REEP3: variants seen among roughly 807,000 people sequenced by gnomAD.
The protein encoded by REEP3 is receptor accessory protein 3, also known as receptor expression-enhancing protein 3.
A neutral mutation model predicts 41.3 loss-of-function variants in REEP3; 20 were observed. That is an observed-to-expected ratio of 0.48 (90% CI 0.34 to 0.70). The LOEUF (loss-of-function observed/expected upper bound fraction) is 0.70, where lower values mean the gene tolerates loss of function less well. REEP3 is among the 30% of genes least tolerant of loss of function. REEP3 has a pLI of 0.01. For synonymous variants in REEP3, 104 were observed against 101.8 expected (o/e 1.02, Z -0.13); for missense variants, 271 against 308.8 (o/e 0.88, Z 0.92).
chr10:63,574,157 T>C (rs1361896233), intron 2 of REEP3, among the ~76,000 whole-genome samples: 2 of 152,214 alleles, frequency 1.3e-5, no homozygotes, highest in Non-Finnish European at 2.9e-5. Context: ...AACATACTTA[T>C]TGTGCTATTT....
At chr10:63,587,303 A>G (rs994063240) in intron 2 of REEP3, among the ~76,000 whole-genome samples, 2 of 152,158 alleles carry the variant, frequency 1.3e-5, no homozygotes, top group Non-Finnish European at 1.5e-5. Flanking sequence ...TCTCAACCAC[A>G]GTTGCTTAAA....
At chr10:63,552,389 C>A (rs1030475501) in intron 1 of REEP3, among the ~76,000 whole-genome samples, 1 of 152,006 alleles carries the variant, frequency 6.6e-6, no homozygotes, top group Non-Finnish European at 1.5e-5. Context: ...CCAGCCTGGA[C>A]CACAGAGCAA....
chr10:63,548,068 C>T (rs951126416), intron 1 of REEP3, among the ~76,000 whole-genome samples: 1 of 152,182 alleles, frequency 6.6e-6, no homozygotes, highest in Non-Finnish European at 1.5e-5. Flanking sequence ...AGAAGATTTT[C>T]ATGAGATGGC....
At chr10:63,570,564 G>A (rs1431019937) in intron 2 of REEP3, among the ~76,000 whole-genome samples, 1 of 152,028 alleles carries the variant, frequency 6.6e-6, no homozygotes, top group Admixed American at 6.6e-5. Flanking sequence ...CCTAGTACCC[G>A]GAAAAAAGAT....
At chr10:63,560,189 T>C (rs1164097586) in intron 1 of REEP3, among the ~76,000 whole-genome samples, 1 of 152,176 alleles carries the variant, frequency 6.6e-6, no homozygotes, top group African/African-American at 2.4e-5. Context: ...TACTATTCTA[T>C]TTCTACATAT....
In REEP3 at chr10:63,569,003, T is replaced by A. The variant is rs1416047463; in HGVS notation, c.105+2593T>A. On this transcript the variant is annotated intron_variant, in intron 2 of 7. Coordinates refer to ENST00000373758, the MANE Select transcript of REEP3 (RefSeq NM_001001330.3). ...GCTATATTCAGTAACATGAAATTAC[T>A]GTCAAATAATGTACTTTTGCCTATT... Among the ~76,000 whole-genome samples, 3 of 152,320 alleles carry A rather than the reference T, an allele frequency of 2.0e-5. No homozygotes were observed. The East Asian group carries it at 5.8e-4, about 29-fold the overall frequency.
intron 6 of REEP3, among the ~76,000 whole-genome samples, chr10:63,613,974 T>TA (rs979920843): frequency 3.3e-5 from 5 of 151,918 alleles, no homozygotes; most frequent in African/African-American, 7.3e-5. Flanking sequence ...TTTTCCTGCA[T>TA]AAAAAATACA....
At chr10:63,598,612 G>A (rs914443567) in intron 4 of REEP3, among the ~76,000 whole-genome samples, 19 of 151,562 alleles carry the variant, frequency 1.3e-4, no homozygotes, top group African/African-American at 4.1e-4. Flanking sequence ...GTGAAACCCT[G>A]TCTCTACTAA....
intron 5 of REEP3, among the ~76,000 whole-genome samples, chr10:63,605,242 A>G (rs1052239478): frequency 6.6e-6 from 1 of 152,208 alleles, no homozygotes; most frequent in Non-Finnish European, 1.5e-5. Flanking sequence ...CATGTTATCA[A>G]TGTTCTTCAG....
chr10:63,615,463 A>G (rs925474167), intron 6 of REEP3, among the ~76,000 whole-genome samples: 1 of 151,656 alleles, frequency 6.6e-6, no homozygotes, highest in Non-Finnish European at 1.5e-5. Context: ...CAGAAAATGT[A>G]TATTTTAATG....
chr10:63,604,204 T>C (rs1956202303), intron 5 of REEP3, among the ~76,000 whole-genome samples: 1 of 152,200 alleles, frequency 6.6e-6, no homozygotes, highest in Admixed American at 6.5e-5. Flanking sequence ...TTTCTGAAAA[T>C]GTTACTCAGT....
chr10:63,544,566 A>G (rs1955559055), intron 1 of REEP3, among the ~76,000 whole-genome samples: 1 of 152,152 alleles, frequency 6.6e-6, no homozygotes. Flanking sequence ...GAGAGGAAGA[A>G]AAGGTTTAGA....
intron 2 of REEP3, among the ~76,000 whole-genome samples, chr10:63,593,359 T>C (rs1040349902): frequency 6.6e-6 from 1 of 152,198 alleles, no homozygotes; most frequent in African/African-American, 2.4e-5. Context: ...ATCTTCTCTC[T>C]CTGCCTGGTA....
At chr10:63,530,222 A>G (rs1298968312) in intron 1 of REEP3, among the ~76,000 whole-genome samples, 1 of 152,244 alleles carries the variant, frequency 6.6e-6, no homozygotes, top group Non-Finnish European at 1.5e-5. Context: ...GGCAGTCACA[A>G]TTATATGAGT....
intron 1 of REEP3, 29 bp downstream of exon 1, chr10:63,521,606 C>T: frequency 2.2e-6 from 3 of 1,389,938 alleles, no homozygotes; most frequent in South Asian, 1.6e-5. Flanking sequence ...GCCCTGCAGC[C>T]GGCGCGAGGC....
chr10:63,618,216 A>T (rs1011655938), intron 6 of REEP3, among the ~76,000 whole-genome samples: 1 of 137,378 alleles, frequency 7.3e-6, no homozygotes, highest in Admixed American at 7.2e-5. Flanking sequence ...TTATAACTTC[A>T]TGGGGATTTC....
At chr10:63,602,574 A>C (rs1025063532) in intron 5 of REEP3, among the ~76,000 whole-genome samples, 8 of 152,240 alleles carry the variant, frequency 5.3e-5, no homozygotes, top group African/African-American at 1.7e-4. Context: ...CTCAAAAAAC[A>C]AAGAAGCATA....
chr10:63,538,350 C>T (rs1359683435), intron 1 of REEP3, among the ~76,000 whole-genome samples: 3 of 152,192 alleles, frequency 2.0e-5, no homozygotes, highest in Non-Finnish European at 2.9e-5. Context: ...GGTTCTAAAC[C>T]TATCAGTGGG....
At chr10:63,616,855 T>A (rs1199270988) in intron 6 of REEP3, among the ~76,000 whole-genome samples, 1 of 152,124 alleles carries the variant, frequency 6.6e-6, no homozygotes, top group Non-Finnish European at 1.5e-5. Flanking sequence ...TTTTTCTCAA[T>A]TATAAAATAA....
Sources: allele counts gnomAD v4.1 joint callset (sites outside exome capture counted in the v4.1 genomes callset), GRCh38; gene constraint gnomAD v4.1.1; transcripts MANE v1.5; gene names NCBI Gene and HGNC (gene_info 2026-07-23, HGNC 2026-07-21).